Variants in EXOC4 observed in about 807,000 individuals in gnomAD.
EXOC4 encodes SEC8-like 1.
EXOC4 carries 71 observed loss-of-function variants against 107.2 expected under a neutral mutation model. The observed-to-expected ratio is 0.66, with a 90% confidence interval of 0.55 to 0.81. The LOEUF is 0.81. EXOC4 is among the 30% of genes least tolerant of loss of function. The probability of loss-of-function intolerance (pLI) is 0.00; values close to 1 mark genes in which losing one functional copy is unlikely to be tolerated. For missense variants in EXOC4, 1,108 were observed against 1,189.6 expected (o/e 0.93, Z 1.01); for synonymous variants, 456 against 441.2 (o/e 1.03, Z -0.42).
intron 11 of EXOC4, among the ~76,000 whole-genome samples, chr7:133,824,307 A>G (rs1359896772): frequency 1.3e-5 from 2 of 151,720 alleles, no homozygotes; most frequent in East Asian, 2.0e-4. Flanking sequence ...CCTGAACTCT[A>G]CTGACTGCGC....
At chr7:133,814,622 C>T (rs1281264225) in intron 10 of EXOC4, among the ~76,000 whole-genome samples, 2 of 152,112 alleles carry the variant, frequency 1.3e-5, no homozygotes, top group Non-Finnish European at 2.9e-5. Context: ...AAGGGTTGTA[C>T]TATTTTTCAC....
chr7:133,700,462 C>T (rs185304150), intron 10 of EXOC4, among the ~76,000 whole-genome samples: 67 of 152,158 alleles, frequency 4.4e-4, no homozygotes, highest in East Asian at 4.1e-3. Context: ...TTCCTATATT[C>T]GACTCTGATA....
chr7:133,688,543 A>G (rs939666120), intron 10 of EXOC4, among the ~76,000 whole-genome samples: 13 of 152,164 alleles, frequency 8.5e-5, no homozygotes, highest in Admixed American at 3.9e-4. Context: ...ATTCTTTGTT[A>G]TAAGTATTAT....
chr7:133,391,115 T>G (rs896000405), intron 7 of EXOC4, among the ~76,000 whole-genome samples: 4 of 152,226 alleles, frequency 2.6e-5, no homozygotes, highest in Admixed American at 1.3e-4. Flanking sequence ...TTGTGTCACA[T>G]AAGTGAGTGG....
chr7:134,094,152 T>C, the EXOC4 span, among the ~76,000 whole-genome samples: 10 of 152,182 alleles, frequency 6.6e-5, no homozygotes, highest in African/African-American at 2.2e-4. Context: ...TGTGAAAGGA[T>C]GAACAAGATT....
intron 17 of EXOC4, among the ~76,000 whole-genome samples, chr7:134,047,956 T>TC (rs1422453739): frequency 3.9e-5 from 6 of 152,254 alleles, no homozygotes; most frequent in African/African-American, 1.4e-4. Flanking sequence ...CAAATCAATC[T>TC]CCCCAGAAAT....
intron 17 of EXOC4, among the ~76,000 whole-genome samples, chr7:134,041,789 C>A (rs1198498778): frequency 6.6e-6 from 1 of 152,194 alleles, no homozygotes; most frequent in African/African-American, 2.4e-5. Context: ...ATGCTTCTTG[C>A]AGTGTTTCTG....
intron 4 of EXOC4, chr7:133,315,062 C>G (rs1005216168): frequency 5.9e-5 from 9 of 153,282 alleles, no homozygotes; most frequent in South Asian, 2.0e-4. Context: ...TCTTCATGGT[C>G]CATGATGTGA....
chr7:133,949,839 A>G (rs1375523488), intron 14 of EXOC4, among the ~76,000 whole-genome samples: 2 of 152,142 alleles, frequency 1.3e-5, no homozygotes, highest in African/African-American at 2.4e-5. Context: ...AGATATGACA[A>G]GTCATTTTCT....
At chr7:133,866,655 A>G (rs901803373) in intron 11 of EXOC4, among the ~76,000 whole-genome samples, 16 of 152,252 alleles carry the variant, frequency 1.1e-4, no homozygotes, top group African/African-American at 3.9e-4. Context: ...TCCTTCTTCC[A>G]AAGTAAACTC....
intron 10 of EXOC4, chr7:133,733,467 G>A (rs1178223327): frequency 6.6e-6 from 1 of 152,108 alleles, no homozygotes; most frequent in Non-Finnish European, 1.5e-5. Context: ...ACTCCAGCCT[G>A]GGCGACAGAG....
chr7:133,913,436 A>G (rs1799739602), intron 12 of EXOC4, among the ~76,000 whole-genome samples: 1 of 152,242 alleles, frequency 6.6e-6, no homozygotes, highest in African/African-American at 2.4e-5. Context: ...TTACAAGGTT[A>G]TTGCCAAGTC....
intron 9 of EXOC4, among the ~76,000 whole-genome samples, chr7:133,502,024 T>G (rs1477355648): frequency 1.3e-5 from 2 of 152,152 alleles, no homozygotes; most frequent in African/African-American, 4.8e-5. Context: ...CATCCAATTT[T>G]TTGATTAGCA....
chr7:133,864,451 C>G (rs904516247), intron 11 of EXOC4, among the ~76,000 whole-genome samples: 12 of 152,022 alleles, frequency 7.9e-5, no homozygotes, highest in African/African-American at 2.9e-4. Flanking sequence ...CAGGGAGTCT[C>G]ATTAATTTAC....
At chr7:133,967,199 A>G (rs969464339) in intron 14 of EXOC4, among the ~76,000 whole-genome samples, 2 of 151,930 alleles carry the variant, frequency 1.3e-5, no homozygotes, top group African/African-American at 2.4e-5. Flanking sequence ...TATTGCATCT[A>G]TTTGATTCTT....
chr7:133,315,831 G>T (rs1474639879), intron 4 of EXOC4, among the ~76,000 whole-genome samples: 2 of 152,118 alleles, frequency 1.3e-5, no homozygotes, highest in African/African-American at 2.4e-5. Flanking sequence ...TTGGAAATAT[G>T]CTGTTTGGTT....
intron 1 of EXOC4, among the ~76,000 whole-genome samples, chr7:133,264,555 C>T (rs1562993776): frequency 6.6e-6 from 1 of 151,972 alleles, no homozygotes; most frequent in Middle Eastern, 3.4e-3. Flanking sequence ...TAATAAAATG[C>T]GATTTAAAAG....
At chr7:133,323,228 G>T (rs1215458783) in intron 5 of EXOC4, among the ~76,000 whole-genome samples, 1 of 152,094 alleles carries the variant, frequency 6.6e-6, no homozygotes, top group African/African-American at 2.4e-5. Context: ...GATTGCCCTG[G>T]CCAGAACTTC....
chr7:133,759,160 T>G (rs932373946), intron 10 of EXOC4, among the ~76,000 whole-genome samples: 9 of 152,054 alleles, frequency 5.9e-5, no homozygotes, highest in African/African-American at 9.6e-5. Context: ...TTTTTTTTTT[T>G]TTGTTAGAGA....
Sources: gnomAD v4.1 joint callset for allele counts (sites outside exome capture counted in the v4.1 genomes callset) on GRCh38, gnomAD v4.1.1 for gene constraint, MANE v1.5 for transcripts, NCBI Gene and HGNC (gene_info 2026-07-23, HGNC 2026-07-21) for gene names.